CRHR1: variants seen among roughly 807,000 people sequenced by gnomAD.
The protein encoded by CRHR1 is corticotropin-releasing hormone receptor 1.
Under a neutral mutation model 56.0 loss-of-function variants are expected in CRHR1, and 28 were observed. The ratio of observed to expected loss-of-function variants is 0.50; its 90% CI spans 0.37 to 0.69. The LOEUF is 0.69. Ranked by LOEUF, CRHR1 falls within the 30% of genes least tolerant of loss-of-function variation. The pLI is 0.00. For missense variants in CRHR1, 376 were observed against 548.0 expected (o/e 0.69, Z 3.13); for synonymous variants, 195 against 216.5 (o/e 0.90, Z 0.87).
intron 4 of CRHR1, among the ~76,000 whole-genome samples, chr17:45,823,426 T>C (rs1242730426): frequency 6.8e-6 from 1 of 146,106 alleles, no homozygotes; most frequent in Non-Finnish European, 1.5e-5. Context: ...TTTTTTTTTT[T>C]GAGACAGAGT....
At chr17:45,810,679 C>T (rs1393608800) in intron 2 of CRHR1, among the ~76,000 whole-genome samples, 1 of 152,186 alleles carries the variant, frequency 6.6e-6, no homozygotes. Context: ...CTCCCGTATG[C>T]CTGGCACTGT....
chr17:45,815,408 CCT>C (rs200247632), intron 2 of CRHR1, among the ~76,000 whole-genome samples: 3 of 152,158 alleles, frequency 2.0e-5, no homozygotes, highest in Non-Finnish European at 2.9e-5. Flanking sequence ...GCCCCAACAT[CCT>C]CTCTCTCTCG....
intron 1 of CRHR1, among the ~76,000 whole-genome samples, chr17:45,803,773 TGTGCGTGCGCGTGCGCGTGTGTGC>T (rs1183809469): frequency 7.5e-6 from 1 of 133,010 alleles, no homozygotes; most frequent in Non-Finnish European, 1.7e-5. Context: ...TGTGTGTGTG[TGTGCGTGCGCGTGCGCGTGTGTGC>T]ATGTGTGTGT....
intron 1 of CRHR1, among the ~76,000 whole-genome samples, chr17:45,798,817 C>T (rs547273543): frequency 2.6e-5 from 4 of 152,324 alleles, no homozygotes; most frequent in Non-Finnish European, 5.9e-5. Context: ...CAGGCTTCCC[C>T]CCTCCCTTAA....
At position 45,833,125 on chromosome 17, in the gene CRHR1, T is replaced by G; in HGVS notation, c.771-13T>G. 6.2e-7 allele frequency: 1 copy of G among 1,611,660 alleles called. No homozygotes were observed. The highest frequency in any genetic ancestry group is 8.5e-7 in the Non-Finnish European group (1 of 1,177,678). The stretch of plus-strand genomic sequence containing the variant: ...AGATGACCCTTCCTCCCCTTTCCTC[T>G]GTGGCCTTCTAGGTGCTGGTTTGGC... On this transcript the variant is annotated splice_polypyrimidine_tract_variant and intron_variant, in intron 8 of 12. Transcript: ENST00000314537.
At chr17:45,832,438 G>A (rs1598451497) in intron 8 of CRHR1, among the ~76,000 whole-genome samples, 1 of 152,264 alleles carries the variant, frequency 6.6e-6, no homozygotes, top group East Asian at 1.9e-4. Flanking sequence ...GGTGTTTTCT[G>A]AAAACTCGAT....
intron 4 of CRHR1, among the ~76,000 whole-genome samples, chr17:45,828,161 T>C (rs2062206723): frequency 6.6e-6 from 1 of 152,202 alleles, no homozygotes; most frequent in South Asian, 2.1e-4. Context: ...GCCCTGCTTC[T>C]TGGGACCTAT....
intron 4 of CRHR1, among the ~76,000 whole-genome samples, chr17:45,824,213 C>T (rs117331879): frequency 1.3e-5 from 2 of 152,256 alleles, no homozygotes; most frequent in East Asian, 3.9e-4. Context: ...GCCTGGCACA[C>T]AGTAGAGGAG....
At chr17:45,821,283 C>A in intron 3 of CRHR1, 72 bp from the exon 4 acceptor site, 1 of 1,343,966 alleles carries the variant, frequency 7.4e-7, no homozygotes, top group South Asian at 1.2e-5. Context: ...ATCTACGCAT[C>A]CATCTGGGCC....
chr17:45,788,462 C>T (rs905728158), intron 1 of CRHR1, among the ~76,000 whole-genome samples: 9 of 152,218 alleles, frequency 5.9e-5, no homozygotes, highest in African/African-American at 2.2e-4. Context: ...TCCCAGCACT[C>T]CCCCTTCCCA....
chr17:45,833,698 A>T lies in CRHR1; in HGVS notation c.930-16A>T. On this transcript the variant is annotated splice_polypyrimidine_tract_variant and intron_variant, in intron 10 of 12. Coordinates refer to ENST00000314537, the MANE Select transcript of CRHR1 (RefSeq NM_004382.5). ...GTGGGCTGTGACTCCGAGCCTCCCCACCCGCCCCACCCCAGGAAGGCTGTG... is the reference window on the plus strand; with the variant it reads ...GTGGGCTGTGACTCCGAGCCTCCCCTCCCGCCCCACCCCAGGAAGGCTGTG... The T allele has an allele frequency of 5.9e-6, 2 of 340,476 alleles. No homozygotes were observed. Among genetic ancestry groups the T allele is most frequent in the Non-Finnish European group, 4.8e-6 (1 of 208,448 alleles). The allele number at this position is 340,476 out of a possible 1,614,324, so 21.1% of individuals were successfully genotyped here. A position where few individuals can be genotyped will look rare whatever the true frequency, so the allele number is the denominator to read the frequency against.
chr17:45,820,048 G>A (rs2062009301), intron 3 of CRHR1, among the ~76,000 whole-genome samples: 1 of 152,150 alleles, frequency 6.6e-6, no homozygotes, highest in South Asian at 2.1e-4. Context: ...TGGTCCCAGG[G>A]CCCCAGCCTC....
chr17:45,833,257 C>A lies in CRHR1; in HGVS notation c.843+47C>A, dbSNP rs374217021. 141 of 1,584,936 alleles carry A rather than the reference C, an allele frequency of 8.9e-5. No individual in the cohort carries two copies. The African/African-American group carries it at 1.3e-3, about 15-fold the overall frequency. On this transcript the variant is annotated intron_variant, in intron 9 of 12. Transcript: ENST00000314537. Reference sequence around the variant, plus strand: ...GGAGACAGGGCCCAGTGGGGAGGGGCAATCAGTGCCAACCGTGGACAGAAA... The same window carrying A: ...GGAGACAGGGCCCAGTGGGGAGGGGAAATCAGTGCCAACCGTGGACAGAAA...
chr17:45,799,174 G>T (rs1429204426), intron 1 of CRHR1, among the ~76,000 whole-genome samples: 1 of 152,192 alleles, frequency 6.6e-6, no homozygotes, highest in Non-Finnish European at 1.5e-5. Flanking sequence ...CCCCATGAGG[G>T]TGCCCCTCTG....
chr17:45,829,470 G>C, intron 5 of CRHR1, 149 bp downstream of exon 5: 1 of 1,382,754 alleles, frequency 7.2e-7, no homozygotes, highest in Admixed American at 2.1e-5. Flanking sequence ...CAGGTCTCTG[G>C]GAACCTCTGG....
intron 8 of CRHR1, among the ~76,000 whole-genome samples, chr17:45,832,131 C>A (rs904942433): frequency 3.9e-5 from 6 of 152,202 alleles, no homozygotes; most frequent in South Asian, 2.1e-4. Flanking sequence ...CTCGGGAAGG[C>A]TGAGGCAGGA....
chr17:45,794,642 C>T (rs2146270719), intron 1 of CRHR1, among the ~76,000 whole-genome samples: 1 of 152,352 alleles, frequency 6.6e-6, no homozygotes, highest in South Asian at 2.1e-4. Context: ...GAGCAGGCCC[C>T]TTCCCCCTCC....
chr17:45,831,995 C>T (rs1022110044), intron 8 of CRHR1, among the ~76,000 whole-genome samples: 1 of 151,992 alleles, frequency 6.6e-6, no homozygotes, highest in African/African-American at 2.4e-5. Context: ...CCGAGGCAGG[C>T]GGATCACTTG....
At chr17:45,830,283 C>T in intron 6 of CRHR1, 69 bp downstream of exon 6, 1 of 1,604,130 alleles carries the variant, frequency 6.2e-7, no homozygotes, top group Non-Finnish European at 8.5e-7. Flanking sequence ...CCCGCCTGCC[C>T]TGCAGAGGAG....
Sources: allele counts gnomAD v4.1 joint callset (sites outside exome capture counted in the v4.1 genomes callset), GRCh38; gene constraint gnomAD v4.1.1; transcripts MANE v1.5; gene names NCBI Gene and HGNC (gene_info 2026-07-23, HGNC 2026-07-21).